FAT3: variants seen among roughly 807,000 people sequenced by gnomAD.
FAT3 encodes protocadherin Fat 3.
In FAT3, 95 loss-of-function variants were observed where a neutral mutation model predicts 310.2. The ratio of observed to expected loss-of-function variants is 0.31; its 90% confidence interval spans 0.26 to 0.36. The LOEUF (loss-of-function observed/expected upper bound fraction) is 0.36, where lower values mean the gene tolerates loss of function less well. Ranked by LOEUF, FAT3 falls within the 10% of genes least tolerant of loss-of-function variation. The pLI is 1.00. For missense variants in FAT3, 5,408 were observed against 5,715.6 expected, an observed-to-expected ratio of 0.95 and a Z score of 1.74; for synonymous variants, 2,314 against 2,192.9, an observed-to-expected ratio of 1.06 and a Z score of -1.54.
chr11:92,368,483 G>T (rs1030563018), intron 2 of FAT3, among the ~76,000 whole-genome samples: 34 of 152,206 alleles, frequency 2.2e-4, no homozygotes, highest in East Asian at 7.7e-4. Flanking sequence ...GTCAACAAAA[G>T]AAAAAACTTA....
intron 1 of FAT3, among the ~76,000 whole-genome samples, chr11:92,239,853 C>A (rs1476717609): frequency 6.6e-6 from 1 of 152,050 alleles, no homozygotes; most frequent in African/African-American, 2.4e-5. Context: ...TGGCTTTGGA[C>A]CCAGCTTTTC....
At chr11:92,668,988 A>T (rs1372111542) in intron 3 of FAT3, among the ~76,000 whole-genome samples, 1 of 152,232 alleles carries the variant, frequency 6.6e-6, no homozygotes, top group Admixed American at 6.5e-5. Flanking sequence ...ATAGCACCAA[A>T]GGATACCTGT....
At chr11:92,634,518 A>G (rs1187790165) in intron 3 of FAT3, among the ~76,000 whole-genome samples, 1 of 152,194 alleles carries the variant, frequency 6.6e-6, no homozygotes, top group Non-Finnish European at 1.5e-5. Flanking sequence ...TGCTTCTAAT[A>G]AATCTTATTT....
intron 2 of FAT3, among the ~76,000 whole-genome samples, chr11:92,434,299 T>A (rs1950876543): frequency 6.6e-6 from 1 of 152,206 alleles, no homozygotes; most frequent in Non-Finnish European, 1.5e-5. Flanking sequence ...ATCTCCCATG[T>A]ACAGCTGTTT....
At chr11:92,616,901 C>T (rs1368223128) in intron 3 of FAT3, among the ~76,000 whole-genome samples, 3 of 152,128 alleles carry the variant, frequency 2.0e-5, no homozygotes, top group Non-Finnish European at 4.4e-5. Flanking sequence ...TCTCTGGCTG[C>T]CCTTAACATT....
At chr11:92,413,480 G>A (rs1950340537) in intron 2 of FAT3, among the ~76,000 whole-genome samples, 1 of 152,048 alleles carries the variant, frequency 6.6e-6, no homozygotes, top group South Asian at 2.1e-4. Flanking sequence ...CTGTCAAATG[G>A]GGTCACATTT....
At chr11:92,263,293 A>T (rs1209979473) in intron 1 of FAT3, among the ~76,000 whole-genome samples, 1 of 151,248 alleles carries the variant, frequency 6.6e-6, no homozygotes, top group Non-Finnish European at 1.5e-5. Context: ...CAGAGTCTGG[A>T]ATTTGGTCTG....
At chr11:92,886,864 C>A in intron 24 of FAT3, 136 bp from the exon 25 acceptor site, 1 of 676,682 alleles carries the variant, frequency 1.5e-6, no homozygotes, top group Non-Finnish European at 2.5e-6. Context: ...CAATTTTCTA[C>A]TGTGGAGCTA....
chr11:92,423,115 G>GA (rs1950564023), intron 2 of FAT3, among the ~76,000 whole-genome samples: 1 of 152,098 alleles, frequency 6.6e-6, no homozygotes, highest in Non-Finnish European at 1.5e-5. Context: ...ATAGGCAGAG[G>GA]AAAATCTCTG....
intron 3 of FAT3, among the ~76,000 whole-genome samples, chr11:92,634,957 G>A (rs12286288): frequency 0.029 from 4,360 of 152,220 alleles, 228 homozygotes; most frequent in African/African-American, 0.099. Flanking sequence ...TTCCCTCTGA[G>A]CACCCACAGC....
chr11:92,468,759 A>G (rs1394358051), intron 2 of FAT3, among the ~76,000 whole-genome samples: 1 of 152,134 alleles, frequency 6.6e-6, no homozygotes, highest in Non-Finnish European at 1.5e-5. Flanking sequence ...AAACTCCCTT[A>G]TATAACCATG....
At chr11:92,688,190 CCCTGTCTTTAAATAT>C (rs1473519997) in intron 3 of FAT3, among the ~76,000 whole-genome samples, 2 of 151,900 alleles carry the variant, frequency 1.3e-5, no homozygotes, top group African/African-American at 2.4e-5. Context: ...CAGAGCGAGA[CCCTGTCTTTAAATAT>C]TAATTAATTA....
At chr11:92,813,948 T>A (rs1947751144) in intron 13 of FAT3, among the ~76,000 whole-genome samples, 1 of 152,200 alleles carries the variant, frequency 6.6e-6, no homozygotes, top group Non-Finnish European at 1.5e-5. Flanking sequence ...AGATGCATCC[T>A]TTGGGAGGTG....
chr11:92,554,863 C>G (rs1389222929), intron 3 of FAT3, among the ~76,000 whole-genome samples: 1 of 152,202 alleles, frequency 6.6e-6, no homozygotes, highest in Non-Finnish European at 1.5e-5. Context: ...GAAGCATCTT[C>G]TCTGCAGCTT....
At chr11:92,271,105 A>G (rs187895827) in intron 1 of FAT3, among the ~76,000 whole-genome samples, 118 of 152,144 alleles carry the variant, frequency 7.8e-4, no homozygotes, top group Non-Finnish European at 1.4e-3. Context: ...CTCACACTCT[A>G]CAGTCCATTC....
chr11:92,705,298 G>A (rs564205135), intron 4 of FAT3, among the ~76,000 whole-genome samples: 5 of 149,432 alleles, frequency 3.3e-5, no homozygotes, highest in Middle Eastern at 3.5e-3. Flanking sequence ...AGTGGTGATG[G>A]TGGTGGTGTG....
rs931530856 is a variant in FAT3 at position 92,883,540 on chromosome 11, C to T, written c.12937+147C>T. The T allele has an allele frequency of 2.6e-6, 3 of 1,143,480 alleles. No individual in the cohort carries two copies. Among genetic ancestry groups the T allele is most frequent in the Non-Finnish European group, 3.6e-6 (3 of 825,224 alleles). The allele number at this position is 1,143,480 out of a possible 1,614,324, so 70.8% of individuals were successfully genotyped here. ...CTGATGTCGAATGTGCACACCAGCT[C>T]TGGAAAATTGTCCTGGTTCTGGTTC... is the stretch of plus-strand genomic sequence containing the variant. On this transcript the variant is annotated intron_variant, in intron 24 of 27. Coordinates refer to ENST00000525166, the MANE Select transcript of FAT3 (RefSeq NM_001367949.2). The surrounding 1 kb of genome is among the most constrained non-coding windows in gnomAD (Gnocchi z 4.2).
chr11:92,514,086 A>G (rs183464311), intron 2 of FAT3, among the ~76,000 whole-genome samples: 419 of 152,334 alleles, frequency 2.8e-3, no homozygotes, highest in Non-Finnish European at 4.4e-3. Context: ...AGTGAGCACA[A>G]TGTACACATT....
chr11:92,418,381 TACA>T (rs1234320197), intron 2 of FAT3, among the ~76,000 whole-genome samples: 4 of 149,900 alleles, frequency 2.7e-5, no homozygotes, highest in East Asian at 2.0e-4. Flanking sequence ...TAGGAATAAT[TACA>T]ACAACAGCAA....
Sources: gnomAD v4.1 joint callset for allele counts (sites outside exome capture counted in the v4.1 genomes callset) on GRCh38, gnomAD v4.1.1 for gene constraint, Gnocchi (gnomAD v3.1) non-coding constraint, MANE v1.5 for transcripts, NCBI Gene and HGNC (gene_info 2026-07-23, HGNC 2026-07-21) for gene names.